Variants in CSMD1 observed in about 807,000 individuals in gnomAD.
CSMD1 encodes the protein CUB and Sushi multiple domains 1.
Under a neutral mutation model 417.5 loss-of-function variants are expected in CSMD1, and 213 were observed. The ratio of observed to expected loss-of-function variants is 0.51; its 90% CI spans 0.46 to 0.57. The LOEUF is 0.57. Among genes scored for constraint, CSMD1 ranks in the 20% least tolerant of loss-of-function variants. The pLI, the probability that CSMD1 is intolerant of heterozygous loss-of-function variation, is 0.00. For missense variants in CSMD1, 6,923 were observed against 4,529.7 expected (o/e 1.53, Z -15.17); for synonymous variants, 2,862 against 1,736.8 (o/e 1.65, Z -16.11).
At chr8:4,569,455 G>C (rs1472695798) in intron 2 of CSMD1, among the ~76,000 whole-genome samples, 3 of 152,136 alleles carry the variant, frequency 2.0e-5, no homozygotes, top group African/African-American at 7.2e-5. Flanking sequence ...GATGGTTGTA[G>C]ATGTGTGGTG....
chr8:4,934,002 T>C (rs531259842), intron 1 of CSMD1, among the ~76,000 whole-genome samples: 2 of 78,774 alleles, frequency 2.5e-5, no homozygotes, highest in African/African-American at 6.8e-5. Flanking sequence ...TTTATGCTTT[T>C]TTTTTAAAAA....
chr8:4,331,622 G>C (rs776051580), intron 3 of CSMD1, among the ~76,000 whole-genome samples: 3 of 152,076 alleles, frequency 2.0e-5, no homozygotes, highest in Admixed American at 2.0e-4. Context: ...GCTTTCTTCT[G>C]TCATGAAAGC....
intron 2 of CSMD1, among the ~76,000 whole-genome samples, chr8:4,455,036 C>G (rs930384545): frequency 3.3e-5 from 5 of 151,998 alleles, no homozygotes; most frequent in African/African-American, 1.2e-4. Flanking sequence ...CCGCTGTCAT[C>G]AACACAATAT....
At chr8:3,959,863 G>A (rs2129968910) in intron 5 of CSMD1, among the ~76,000 whole-genome samples, 1 of 152,334 alleles carries the variant, frequency 6.6e-6, no homozygotes, top group African/African-American at 2.4e-5. Flanking sequence ...ATATTGTGAG[G>A]TATATAACGT....
At chr8:3,766,868 T>C (rs1375510219) in intron 5 of CSMD1, among the ~76,000 whole-genome samples, 3 of 152,140 alleles carry the variant, frequency 2.0e-5, no homozygotes, top group South Asian at 4.1e-4. Context: ...TTCTAGCAAA[T>C]TTCTTATATC....
chr8:3,609,986 G>C (rs1012171835), intron 8 of CSMD1, among the ~76,000 whole-genome samples: 1 of 151,800 alleles, frequency 6.6e-6, no homozygotes, highest in African/African-American at 2.4e-5. Flanking sequence ...ATTTTTAGTA[G>C]AGACAGGATT....
At chr8:4,795,251 G>GTTTTTTTTTTTTTTT (rs1797912090) in intron 1 of CSMD1, among the ~76,000 whole-genome samples, 2 of 85,246 alleles carry the variant, frequency 2.3e-5, no homozygotes, top group Non-Finnish European at 5.0e-5. Flanking sequence ...TGGTGTCATA[G>GTTTTTTTTTTTTTTT]CTTTTTTTTT....
intron 7 of CSMD1, among the ~76,000 whole-genome samples, chr8:3,640,056 T>TTA (rs1797231363): frequency 6.6e-6 from 1 of 152,186 alleles, no homozygotes; most frequent in Admixed American, 6.5e-5. Flanking sequence ...TTAATCTAAT[T>TTA]GCATAAGAAG....
chr8:3,362,290 C>A (rs62503461), intron 20 of CSMD1, among the ~76,000 whole-genome samples: 1 of 152,120 alleles, frequency 6.6e-6, no homozygotes, highest in Non-Finnish European at 1.5e-5. Flanking sequence ...ATCCTCCCTT[C>A]CAAGACTGTC....
intron 39 of CSMD1, among the ~76,000 whole-genome samples, 170 bp downstream of exon 39, chr8:3,157,727 G>A (rs1050807399): frequency 3.3e-5 from 5 of 152,202 alleles, no homozygotes; most frequent in Admixed American, 1.3e-4. Flanking sequence ...CAGTGGGGAA[G>A]GTGCAGGTTA....
rs376902458 is a variant in CSMD1 at position 3,523,913 on chromosome 8, G to GCA, written c.1345-30189_1345-30188dup. 1.7e-3 allele frequency among the ~76,000 whole-genome samples: 216 copies of GCA among 128,658 alleles called. 2 individuals are homozygous for GCA. The highest frequency in any genetic ancestry group is 6.6e-3 in the South Asian group (25 of 3,816). 84.4% of individuals were successfully genotyped at this position (128,658 alleles called of 152,430 possible). A position where few individuals can be genotyped will look rare whatever the true frequency, so the allele number is the denominator to read the frequency against. The stretch of plus-strand genomic sequence containing the variant: ...CAGAGACATATGCACACATGTACAC[G>GCA]CACACACACATATGCATGCACACTC... On this transcript the variant is annotated intron_variant, in intron 10 of 69. Transcript: ENST00000635120.
chr8:3,872,554 A>C lies in CSMD1; in HGVS notation c.819-118512T>G, dbSNP rs193240066. 1.2e-3 allele frequency among the ~76,000 whole-genome samples: 184 copies of C among 152,336 alleles called. 1 individual carries two copies. Among genetic ancestry groups the C allele is most frequent in the African/African-American group, 4.3e-3 (178 of 41,568 alleles). ...ACTGAAAGGCTGATCTCAAGAACTG[A>C]GGTTGTCTGTTTCAGAATTGCTTGA... On this transcript the variant is annotated intron_variant, in intron 5 of 69. Transcript: ENST00000635120.
intron 1 of CSMD1, among the ~76,000 whole-genome samples, chr8:4,976,941 G>C (rs73497749): frequency 0.014 from 2,208 of 152,280 alleles, 50 homozygotes; most frequent in African/African-American, 0.05. Flanking sequence ...TTCTGAAGCA[G>C]TGGAATGAGG....
rs1797480715 is a variant in CSMD1, at chr8:4,787,715, A to G, written c.86-150157T>C. On this transcript the variant is annotated intron_variant, in intron 1 of 69. Transcript: ENST00000635120. ...GAGTTGTTTTTCAAGGATGCTGCCAATAATGACCCACAGTGGTCTGAGGAA... is the reference window on the plus strand; with the variant it reads ...GAGTTGTTTTTCAAGGATGCTGCCAGTAATGACCCACAGTGGTCTGAGGAA... 18 of 1,591,482 alleles carry G rather than the reference A, an allele frequency of 1.1e-5. 1 individual carries two copies. The South Asian group carries it at 1.5e-4, about 14-fold the overall frequency.
intron 2 of CSMD1, among the ~76,000 whole-genome samples, chr8:4,470,554 G>A (rs182099428): frequency 6.6e-6 from 1 of 152,310 alleles, no homozygotes; most frequent in East Asian, 1.9e-4. Context: ...CATGCCAAAG[G>A]ATTCAGAGTG....
At chr8:4,766,531 AT>A (rs1812477353) in intron 1 of CSMD1, among the ~76,000 whole-genome samples, 1 of 152,246 alleles carries the variant, frequency 6.6e-6, no homozygotes, top group Admixed American at 6.5e-5. Flanking sequence ...ACTGCATTGC[AT>A]TGTCAGGATA....
At chr8:4,232,557 A>G (rs1411402130) in intron 3 of CSMD1, among the ~76,000 whole-genome samples, 1 of 152,086 alleles carries the variant, frequency 6.6e-6, no homozygotes, top group African/African-American at 2.4e-5. Context: ...GCTTTTCTCC[A>G]CTCAAAAATG....
At chr8:4,974,585 G>A (rs996304208) in intron 1 of CSMD1, among the ~76,000 whole-genome samples, 7 of 152,078 alleles carry the variant, frequency 4.6e-5, no homozygotes, top group African/African-American at 1.7e-4. Context: ...GACGTTTTAT[G>A]TATAACAAAC....
At chr8:4,316,683 G>C (rs894000180) in intron 3 of CSMD1, among the ~76,000 whole-genome samples, 27 of 151,924 alleles carry the variant, frequency 1.8e-4, no homozygotes, top group African/African-American at 3.1e-4. Flanking sequence ...GCAAACTAAG[G>C]GGGGGGCTTC....
Sources: allele counts gnomAD v4.1 joint callset (sites outside exome capture counted in the v4.1 genomes callset), GRCh38; gene constraint gnomAD v4.1.1; transcripts MANE v1.5; gene names NCBI Gene and HGNC (gene_info 2026-07-23, HGNC 2026-07-21).